The following BANK1 variants were observed in gnomAD, a reference collection of about 807,000 sequenced individuals.
BANK1 encodes the protein B cell scaffold protein with ankyrin repeats 1, also known as B-cell scaffold protein with ankyrin repeats.
BANK1 carries 95 observed loss-of-function variants against 94.5 expected under a neutral mutation model. The ratio of observed to expected loss-of-function variants is 1.00; its 90% CI spans 0.85 to 1.19. The LOEUF (loss-of-function observed/expected upper bound fraction) is 1.19. Among genes scored for constraint, BANK1 ranks in the 50% most tolerant of loss-of-function variants. The pLI, the probability that BANK1 is intolerant of heterozygous loss-of-function variation, is 0.00. For synonymous variants in BANK1, 334 were observed against 308.4 expected, an observed-to-expected ratio of 1.08 and a Z score of -0.87; for missense variants, 987 against 932.2, an observed-to-expected ratio of 1.06 and a Z score of -0.77.
At chr4:101,911,971 C>A (rs192320480) in intron 6 of BANK1, among the ~76,000 whole-genome samples, 134 of 152,182 alleles carry the variant, frequency 8.8e-4, no homozygotes, top group Non-Finnish European at 1.5e-3. Context: ...TAACTGATAA[C>A]AGGAAATAGG....
At chr4:101,847,751 A>T (rs888050889) in intron 2 of BANK1, among the ~76,000 whole-genome samples, 13 of 142,370 alleles carry the variant, frequency 9.1e-5, no homozygotes, top group Non-Finnish European at 1.8e-4. Flanking sequence ...ACACACACAC[A>T]CACACACACA....
chr4:101,927,806 C>T (rs1330521898), intron 7 of BANK1, among the ~76,000 whole-genome samples: 8 of 151,518 alleles, frequency 5.3e-5, no homozygotes, highest in African/African-American at 4.8e-5. Flanking sequence ...GCTTGGGACA[C>T]GTTAAATTTG....
At chr4:101,910,860 G>A (rs1722641564) in intron 6 of BANK1, among the ~76,000 whole-genome samples, 1 of 152,012 alleles carries the variant, frequency 6.6e-6, no homozygotes, top group Non-Finnish European at 1.5e-5. Flanking sequence ...GATACTGAAG[G>A]AAAGTAGAAG....
In BANK1 at chr4:102,025,192, C is replaced by T. The variant is rs1179293802; in HGVS notation, c.1286-9C>T. 2 of 1,611,350 alleles carry T rather than the reference C, an allele frequency of 1.2e-6. No individual in the cohort carries two copies. The highest frequency in any genetic ancestry group is 2.2e-5 in the East Asian group (1 of 44,818). ...TTAAATGAAATCATGCAATCTTCAT[C>T]ATAAACAGCCACACAGAACCCAGCA... On this transcript the variant is annotated splice_polypyrimidine_tract_variant and intron_variant, in intron 8 of 16. Transcript: ENST00000322953.
At chr4:101,843,675 G>T (rs148572654) in intron 2 of BANK1, among the ~76,000 whole-genome samples, 3,018 of 152,218 alleles carry the variant, frequency 0.02, 40 homozygotes, top group Non-Finnish European at 0.026. Context: ...CCAGCACTTT[G>T]GGAGGCCGAG....
intron 7 of BANK1, among the ~76,000 whole-genome samples, chr4:102,009,453 A>G (rs924141833): frequency 6.6e-6 from 1 of 152,176 alleles, no homozygotes. Context: ...TTGTCTTTCA[A>G]AGATGTCTCA....
intron 11 of BANK1, among the ~76,000 whole-genome samples, chr4:102,059,485 A>G (rs1728341359): frequency 6.6e-6 from 1 of 152,164 alleles, no homozygotes; most frequent in Non-Finnish European, 1.5e-5. Context: ...TAACCTAGAG[A>G]GTACATAGCA....
intron 13 of BANK1, among the ~76,000 whole-genome samples, chr4:102,068,755 G>T (rs1728669994): frequency 6.6e-6 from 1 of 151,840 alleles, no homozygotes; most frequent in Admixed American, 6.6e-5. Context: ...TTGAACCTAG[G>T]AGGTGGAGGT....
At chr4:102,072,647 C>G (rs999847833) in intron 15 of BANK1, among the ~76,000 whole-genome samples, 2 of 151,996 alleles carry the variant, frequency 1.3e-5, no homozygotes, top group Non-Finnish European at 2.9e-5. Context: ...TCAACATGTA[C>G]AGACCAAAAA....
chr4:101,938,972 A>G (rs974845018), intron 7 of BANK1, among the ~76,000 whole-genome samples: 2 of 151,872 alleles, frequency 1.3e-5, no homozygotes, highest in East Asian at 2.0e-4. Context: ...CAGGCCAAGC[A>G]GTAGCTGTGA....
At chr4:101,991,287 C>T (rs1725696210) in intron 7 of BANK1, among the ~76,000 whole-genome samples, 1 of 152,132 alleles carries the variant, frequency 6.6e-6, no homozygotes, top group African/African-American at 2.4e-5. Flanking sequence ...AGAAAACAAA[C>T]CTAGAGTTGA....
Position 101,922,009 on chromosome 4 carries a change from C to CGTGTGTGTGT in BANK1, c.1206+3858_1206+3867dup, listed in dbSNP as rs68027862. On this transcript the variant is annotated intron_variant, in intron 7 of 16. Coordinates refer to ENST00000322953, the MANE Select transcript of BANK1 (RefSeq NM_017935.5). ...TCTTTGTCCCTGTGGACACTGGGCC[C>CGTGTGTGTGT]GTGTGTGTGTGTGTGTGTGTGTGTG... Among the ~76,000 whole-genome samples, 390 of 129,440 alleles carry CGTGTGTGTGT rather than the reference C, an allele frequency of 3.0e-3. 2 individuals carry two copies. The highest frequency in any genetic ancestry group is 0.015 in the East Asian group (64 of 4,296). The allele number at this position is 129,440 out of a possible 152,430, so 84.9% of individuals were successfully genotyped here. A position where few individuals can be genotyped will look rare whatever the true frequency, so the allele number is the denominator to read the frequency against.
At position 101,989,604 on chromosome 4, in the gene BANK1, G is replaced by A. The variant is rs545043999; in HGVS notation, c.1207-31910G>A. Among the ~76,000 whole-genome samples the A allele has an allele frequency of 4.0e-4, 61 of 151,702 alleles. 1 individual carries two copies. The highest frequency in any genetic ancestry group is 1.4e-3 in the African/African-American group (59 of 41,396). On this transcript the variant is annotated intron_variant, in intron 7 of 16. Transcript: ENST00000322953. ...TCAAACTGGACAGAATACATTTAGC[G>A]TCGTGTCTCCTGAGTCTCATTTCAT...
intron 10 of BANK1, among the ~76,000 whole-genome samples, chr4:102,034,372 G>GT (rs1312246271): frequency 6.6e-6 from 1 of 152,130 alleles, no homozygotes; most frequent in African/African-American, 2.4e-5. Context: ...GCAAATTCAC[G>GT]TATCTGAGAC....
chr4:101,991,352 C>T (rs1725698682), intron 7 of BANK1, among the ~76,000 whole-genome samples: 1 of 152,242 alleles, frequency 6.6e-6, no homozygotes, highest in African/African-American at 2.4e-5. Flanking sequence ...GAATAACTTG[C>T]AAGATAAATA....
intron 7 of BANK1, among the ~76,000 whole-genome samples, chr4:101,985,015 A>AAG (rs143961030): frequency 1.3e-5 from 2 of 151,694 alleles, no homozygotes; most frequent in East Asian, 1.9e-4. Context: ...AGATTTCAAC[A>AAG]AGAGAGAGAG....
At chr4:101,859,097 A>G (rs1560604895) in intron 3 of BANK1, among the ~76,000 whole-genome samples, 1 of 152,234 alleles carries the variant, frequency 6.6e-6, no homozygotes, top group Non-Finnish European at 1.5e-5. Context: ...TACTTCTGAT[A>G]CCAAATCACA....
At chr4:101,792,233 T>C (rs2148846794) in intron 1 of BANK1, among the ~76,000 whole-genome samples, 2 of 151,436 alleles carry the variant, frequency 1.3e-5, no homozygotes, top group South Asian at 4.3e-4. Flanking sequence ...CCAATTATTC[T>C]TGTTCCTCCC....
At position 101,790,968 on chromosome 4, in the gene BANK1, C is replaced by T. The variant is rs183563823; in HGVS notation, c.70+18C>T. 1,163 of 1,488,436 alleles carry T rather than the reference C, an allele frequency of 7.8e-4. 17 individuals are homozygous for T. The East Asian group carries it at 0.026, about 33-fold the overall frequency. 92.2% of individuals were successfully genotyped at this position (1,488,436 alleles called of 1,614,324 possible). A position where few individuals can be genotyped will look rare whatever the true frequency, so the allele number is the denominator to read the frequency against. ...GCCCCCAGGTGGGTAGTCGCGCATTCGGAGGGGCTTGACGCCGAGGCCGGG... is the reference window on the plus strand; with the variant it reads ...GCCCCCAGGTGGGTAGTCGCGCATTTGGAGGGGCTTGACGCCGAGGCCGGG... On this transcript the variant is annotated intron_variant, in intron 1 of 16. Transcript: ENST00000322953.
Sources: allele counts gnomAD v4.1 joint callset (sites outside exome capture counted in the v4.1 genomes callset), GRCh38; gene constraint gnomAD v4.1.1; transcripts MANE v1.5; gene names NCBI Gene and HGNC (gene_info 2026-07-23, HGNC 2026-07-21).